TRAPPC9: variants seen among roughly 807,000 people sequenced by gnomAD.
The protein encoded by TRAPPC9 is trafficking protein particle complex subunit 9.
In TRAPPC9, 83 loss-of-function variants were observed where a neutral mutation model predicts 124.0. That is an observed-to-expected ratio of 0.67 (90% CI 0.56 to 0.80). The LOEUF (loss-of-function observed/expected upper bound fraction) is 0.80, where lower values mean the gene tolerates loss of function less well. Ranked by LOEUF, TRAPPC9 falls within the 30% of genes least tolerant of loss-of-function variation. TRAPPC9 has a pLI of 0.00. For synonymous variants in TRAPPC9, 638 were observed against 617.5 expected (o/e 1.03, Z -0.49); for missense variants, 1,302 against 1,508.3 (o/e 0.86, Z 2.27).
chr8:140,458,497 G>T (rs1344161108), upstream of TRAPPC9: 5 of 1,578,358 alleles, frequency 3.2e-6, no homozygotes, highest in East Asian at 2.4e-5. Context: ...GGCACGTGAG[G>T]TGCGAGCCCC....
intron 21 of TRAPPC9, among the ~76,000 whole-genome samples, chr8:139,883,641 G>T (rs1241815132): frequency 6.6e-6 from 1 of 152,268 alleles, no homozygotes; most frequent in Non-Finnish European, 1.5e-5. Context: ...ACACCCAGGG[G>T]AGAGGGCAAA....
At chr8:140,026,898 T>C (rs1294960665) in intron 17 of TRAPPC9, among the ~76,000 whole-genome samples, 1 of 152,194 alleles carries the variant, frequency 6.6e-6, no homozygotes, top group East Asian at 1.9e-4. Context: ...TCAAGGATCA[T>C]ATTTTGGCCT....
chr8:139,893,604 C>T (rs1407782701), intron 20 of TRAPPC9, among the ~76,000 whole-genome samples: 3 of 152,374 alleles, frequency 2.0e-5, no homozygotes, highest in Admixed American at 2.0e-4. Context: ...GTAATGAAAA[C>T]ATGCATGGCA....
chr8:139,930,559 A>T (rs1408716881), intron 19 of TRAPPC9, among the ~76,000 whole-genome samples: 1 of 152,240 alleles, frequency 6.6e-6, no homozygotes, highest in East Asian at 1.9e-4. Flanking sequence ...CCTAGACATC[A>T]AACAGACAAA....
chr8:139,932,790 G>A, intron 19 of TRAPPC9: 1 of 338,184 alleles, frequency 3.0e-6, no homozygotes, highest in South Asian at 2.3e-5. Context: ...TGTCATGCAG[G>A]GCAGGGTCCC....
intron 4 of TRAPPC9, among the ~76,000 whole-genome samples, chr8:140,430,150 A>C (rs913933465): frequency 6.6e-6 from 1 of 152,058 alleles, no homozygotes; most frequent in Non-Finnish European, 1.5e-5. Context: ...CCATCCCAAA[A>C]AAAAAAAAAA....
At chr8:140,021,870 T>C (rs981524162) in intron 18 of TRAPPC9, among the ~76,000 whole-genome samples, 14 of 152,288 alleles carry the variant, frequency 9.2e-5, no homozygotes, top group African/African-American at 3.4e-4. Context: ...TTCCAAAAGG[T>C]TGAATAAAGC....
chr8:140,022,024 G>A (rs1185396213), intron 18 of TRAPPC9, among the ~76,000 whole-genome samples: 1 of 152,210 alleles, frequency 6.6e-6, no homozygotes, highest in Non-Finnish European at 1.5e-5. Context: ...GGGACTGAAG[G>A]GGAAGATCTG....
intron 8 of TRAPPC9, among the ~76,000 whole-genome samples, chr8:140,360,413 C>T (rs2067914578): frequency 6.6e-6 from 1 of 152,176 alleles, no homozygotes; most frequent in South Asian, 2.1e-4. Flanking sequence ...ACTATAGCTT[C>T]TCTCTCTGCA....
intron 17 of TRAPPC9, among the ~76,000 whole-genome samples, chr8:140,061,674 G>A (rs1035966446): frequency 2.1e-4 from 32 of 152,282 alleles, no homozygotes; most frequent in African/African-American, 7.7e-4. Context: ...TGGAAGCACT[G>A]GGCACTTGCT....
At position 140,283,541 on chromosome 8, in the gene TRAPPC9, C is replaced by A. The variant is rs574493901; in HGVS notation, c.2114+348G>T. 2.6e-5 allele frequency among the ~76,000 whole-genome samples: 4 copies of A among 151,520 alleles called. No homozygotes were observed. The South Asian group carries it at 8.3e-4, about 32-fold the overall frequency. On this transcript the variant is annotated intron_variant, in intron 14 of 22. Transcript: ENST00000438773. ...CTCAATATCCTGACCTTGTGATCCA[C>A]CCGCCTCGGTCTTCAAAGTGCTGGG...
chr8:139,909,466 GA>G (rs1260015175), intron 20 of TRAPPC9, among the ~76,000 whole-genome samples: 1 of 150,974 alleles, frequency 6.6e-6, no homozygotes, highest in African/African-American at 2.5e-5. Flanking sequence ...CTTCATACTA[GA>G]CAAACAACTG....
intron 21 of TRAPPC9, among the ~76,000 whole-genome samples, chr8:139,816,006 G>A (rs948402401): frequency 3.3e-5 from 5 of 152,240 alleles, no homozygotes; most frequent in African/African-American, 1.2e-4. Flanking sequence ...GGGACCGGGC[G>A]GGTGGATTCC....
Position 139,732,154 on chromosome 8 carries a change from C to G in TRAPPC9, c.3104G>C (p.Cys1035Ser). 6.2e-7 allele frequency: 1 copy of G among 1,602,744 alleles called. No individual in the cohort carries two copies. The highest frequency in any genetic ancestry group is 8.5e-7 in the Non-Finnish European group (1 of 1,176,940). ...QPCDREAVAACQVGDPVRLEV... is the reference protein window; with the variant it reads ...QPCDREAVAASQVGDPVRLEV... ...CAGGCGCACGGGGTCGCCCACCTGG[C>G]AGGCCGCCACAGCCTCGCGGTCACA... The change falls in exon 22 of 23, where the codon TGC becomes TCC. Residue 1035 changes from cysteine (C) to serine (S), a missense_variant. Physicochemically the swap from Cys to Ser is moderately radical, Grantham distance 112 (BLOSUM62 -1). Around this residue, in one of 3 missense-constraint regions of TRAPPC9, gnomAD observed 640 missense variants for 679.3 expected, o/e 0.94. Coordinates refer to ENST00000438773, the MANE Select transcript of TRAPPC9 (RefSeq NM_001160372.4).
intron 17 of TRAPPC9, among the ~76,000 whole-genome samples, chr8:140,190,148 G>C (rs1480587419): frequency 1.3e-5 from 2 of 152,118 alleles, no homozygotes; most frequent in African/African-American, 4.8e-5. Flanking sequence ...ATAGAAAACG[G>C]CTATAATAAC....
At chr8:139,746,949 T>G (rs1818936101) in intron 21 of TRAPPC9, among the ~76,000 whole-genome samples, 1 of 152,086 alleles carries the variant, frequency 6.6e-6, no homozygotes, top group African/African-American at 2.4e-5. Context: ...TTCAACCTTC[T>G]CTTTTTGGAC....
At chr8:139,937,258 A>T (rs1018399980) in intron 19 of TRAPPC9, among the ~76,000 whole-genome samples, 1 of 152,176 alleles carries the variant, frequency 6.6e-6, no homozygotes, top group Non-Finnish European at 1.5e-5. Context: ...TGAACACAAA[A>T]CGATCCCAAT....
At chr8:140,348,624 A>G (rs1260553017) in intron 9 of TRAPPC9, among the ~76,000 whole-genome samples, 1 of 152,238 alleles carries the variant, frequency 6.6e-6, no homozygotes, top group Non-Finnish European at 1.5e-5. Flanking sequence ...GAACAAAAAA[A>G]AGCATGTATT....
chr8:140,171,592 C>G (rs559280254), intron 17 of TRAPPC9, among the ~76,000 whole-genome samples: 3 of 152,276 alleles, frequency 2.0e-5, no homozygotes, highest in South Asian at 2.1e-4. Context: ...GATAAAAGTA[C>G]CTGTCGAGTC....
Sources: allele counts gnomAD v4.1 joint callset (sites outside exome capture counted in the v4.1 genomes callset), GRCh38; gene constraint gnomAD v4.1.1; regional missense constraint gnomAD v4.1.1; transcripts MANE v1.5; gene names NCBI Gene and HGNC (gene_info 2026-07-23, HGNC 2026-07-21).